Variants in NCOA3 observed in about 807,000 individuals in gnomAD.
NCOA3 encodes nuclear receptor coactivator 3.
Under a neutral mutation model 158.8 loss-of-function variants are expected in NCOA3, and 51 were observed. That is an observed-to-expected ratio of 0.32 (90% CI 0.26 to 0.41). The LOEUF (loss-of-function observed/expected upper bound fraction) is 0.41, where lower values mean the gene tolerates loss of function less well. NCOA3 is among the 10% of genes least tolerant of loss of function. The pLI, the probability that NCOA3 is intolerant of heterozygous loss-of-function variation, is 1.00. For missense variants in NCOA3, 1,510 were observed against 1,746.6 expected, an observed-to-expected ratio of 0.86 and a Z score of 2.41; for synonymous variants, 537 against 592.4, an observed-to-expected ratio of 0.91 and a Z score of 1.36.
intron 2 of NCOA3, among the ~76,000 whole-genome samples, chr20:47,621,737 G>A (rs933225257): frequency 1.4e-5 from 2 of 145,144 alleles, no homozygotes; most frequent in Non-Finnish European, 3.0e-5. Context: ...TCACTGCAAC[G>A]TCTACCCCTC....
At chr20:47,503,614 C>A (rs1486928347) in intron 1 of NCOA3, among the ~76,000 whole-genome samples, 1 of 152,114 alleles carries the variant, frequency 6.6e-6, no homozygotes, top group Non-Finnish European at 1.5e-5. Flanking sequence ...TGTGGGAATA[C>A]TGTTTTTGCT....
chr20:47,588,424 C>T (rs2085572595), intron 2 of NCOA3, among the ~76,000 whole-genome samples: 1 of 152,034 alleles, frequency 6.6e-6, no homozygotes, highest in African/African-American at 2.4e-5. Flanking sequence ...AGTGAGCCAC[C>T]ACGCCCGACC....
At chr20:47,576,590 C>T (rs991771876) in intron 1 of NCOA3, among the ~76,000 whole-genome samples, 2 of 152,042 alleles carry the variant, frequency 1.3e-5, no homozygotes, top group African/African-American at 4.8e-5. Context: ...TTATTGTGTT[C>T]TTTGCCTTCT....
chr20:47,656,123 TAC>T lies in NCOA3; in HGVS notation c.*2707_*2708del, dbSNP rs2086869418. On this transcript the variant is annotated 3_prime_UTR_variant, in exon 23 of 23. Transcript: ENST00000371998. ...TAGAATGTGGGATATTTCCAGTACC[TAC>T]TTTTTTTTTTTTTTTTTGCTGAATC... The T allele has an allele frequency of 7.1e-6, 1 of 140,300 alleles. No individual in the cohort carries two copies. The highest frequency in any genetic ancestry group is 2.7e-5 in the African/African-American group (1 of 37,208). 8.7% of individuals were successfully genotyped at this position (140,300 alleles called of 1,614,324 possible).
intron 1 of NCOA3, among the ~76,000 whole-genome samples, chr20:47,514,664 G>A (rs1433800688): frequency 6.6e-6 from 1 of 151,200 alleles, no homozygotes; most frequent in Non-Finnish European, 1.5e-5. Flanking sequence ...AAAGTGCTGG[G>A]ATCACAGGTG....
rs1243247301 is a variant in NCOA3, at chr20:47,622,230, T to C, written c.-18T>C. The stretch of plus-strand genomic sequence containing the variant: ...TTATTTCTCATTATTCTCTCTTAGT[T>C]GCTGATGTATATTCAAGATGAGTGG... On this transcript the variant is annotated splice_region_variant and 5_prime_UTR_variant, in exon 3 of 23. Transcript: ENST00000371998. The C allele has an allele frequency of 6.0e-6, 9 of 1,510,478 alleles. No homozygotes were observed. The highest frequency in any genetic ancestry group is 7.3e-6 in the Non-Finnish European group (8 of 1,093,206). 93.6% of individuals were successfully genotyped at this position (1,510,478 alleles called of 1,614,324 possible).
At chr20:47,511,805 A>C (rs2084146501) in intron 1 of NCOA3, among the ~76,000 whole-genome samples, 1 of 151,746 alleles carries the variant, frequency 6.6e-6, no homozygotes, top group African/African-American at 2.4e-5. Flanking sequence ...GCCCGTCTCC[A>C]AAATAAAATA....
At position 47,653,601 on chromosome 20, in the gene NCOA3, TAC is replaced by T; in HGVS notation, c.*185_*186del. ...GGATTTTAAGCCGAAGGGCAATATC[TAC>T]GTGTTTTTCCCCCCTCCTTCTGCTG... On this transcript the variant is annotated 3_prime_UTR_variant, in exon 23 of 23. Transcript: ENST00000371998. 2.8e-6 allele frequency: 2 copies of T among 708,646 alleles called. No homozygotes were observed. The highest frequency in any genetic ancestry group is 4.8e-6 in the Non-Finnish European group (2 of 417,148). 43.9% of individuals were successfully genotyped at this position (708,646 alleles called of 1,614,324 possible). A position where few individuals can be genotyped will look rare whatever the true frequency, so the allele number is the denominator to read the frequency against.
chr20:47,592,749 G>A (rs1370049197), intron 2 of NCOA3, among the ~76,000 whole-genome samples: 9 of 152,190 alleles, frequency 5.9e-5, no homozygotes, highest in African/African-American at 2.2e-4. Flanking sequence ...GGTAGCGGAT[G>A]CTACTTAATT....
At chr20:47,637,993 TCTAA>T (rs1418731563) in intron 13 of NCOA3, among the ~76,000 whole-genome samples, 1 of 152,212 alleles carries the variant, frequency 6.6e-6, no homozygotes, top group Non-Finnish European at 1.5e-5. Context: ...ATTTCCCACT[TCTAA>T]CTAATATGCC....
At chr20:47,515,472 C>CTTTTTTTTTTTTTTTT (rs111350575) in intron 1 of NCOA3, among the ~76,000 whole-genome samples, 4 of 130,046 alleles carry the variant, frequency 3.1e-5, no homozygotes, top group Admixed American at 7.9e-5. Flanking sequence ...TTCTTTCTTT[C>CTTTTTTTTTTTTTTTT]TTTTTTTTTT....
intron 2 of NCOA3, among the ~76,000 whole-genome samples, chr20:47,583,576 C>T (rs1446587340): frequency 6.6e-6 from 1 of 152,210 alleles, no homozygotes; most frequent in Admixed American, 6.5e-5. Context: ...TTAATATAAA[C>T]AGCTGATTAA....
chr20:47,653,582 T>A lies in NCOA3; in HGVS notation c.*165T>A. 1 of 809,408 alleles carries A rather than the reference T, an allele frequency of 1.2e-6. No individual in the cohort carries two copies. Among genetic ancestry groups the A allele is most frequent in the South Asian group, 1.7e-5 (1 of 60,458 alleles). The allele number at this position is 809,408 out of a possible 1,614,324, so 50.1% of individuals were successfully genotyped here. A position where few individuals can be genotyped will look rare whatever the true frequency, so the allele number is the denominator to read the frequency against. ...ATGTCATTTGAGCAGGACTGGATTT[T>A]AAGCCGAAGGGCAATATCTACGTGT... On this transcript the variant is annotated 3_prime_UTR_variant, in exon 23 of 23. Transcript: ENST00000371998.
intron 1 of NCOA3, among the ~76,000 whole-genome samples, chr20:47,529,175 C>A (rs1049742476): frequency 1.3e-5 from 2 of 151,398 alleles, no homozygotes; most frequent in Admixed American, 6.6e-5. Context: ...CTCTAGTCCC[C>A]CAGGCTGGAG....
chr20:47,581,168 A>C (rs2085446388), intron 1 of NCOA3, among the ~76,000 whole-genome samples: 1 of 152,072 alleles, frequency 6.6e-6, no homozygotes, highest in Admixed American at 6.5e-5. Flanking sequence ...ATATAAAATT[A>C]CCTTCAGGCT....
At chr20:47,574,315 C>T (rs112662886) in intron 1 of NCOA3, among the ~76,000 whole-genome samples, 6 of 151,930 alleles carry the variant, frequency 3.9e-5, no homozygotes, top group African/African-American at 7.3e-5. Context: ...TTACAAGGAA[C>T]GTGTAGATTT....
chr20:47,648,927 T>A (rs1331093632), intron 18 of NCOA3, 78 bp from the exon 19 acceptor site: 4 of 782,690 alleles, frequency 5.1e-6, no homozygotes, highest in Non-Finnish European at 8.8e-6. Flanking sequence ...CCTCATTGGC[T>A]GGTGCTGAGG....
intron 1 of NCOA3, among the ~76,000 whole-genome samples, chr20:47,567,980 A>G (rs1208259601): frequency 6.6e-6 from 1 of 152,212 alleles, no homozygotes; most frequent in Non-Finnish European, 1.5e-5. Flanking sequence ...TTGGGATTAC[A>G]GTCATGAGCC....
At chr20:47,502,979 C>T (rs765700080) in intron 1 of NCOA3, among the ~76,000 whole-genome samples, 1 of 152,092 alleles carries the variant, frequency 6.6e-6, no homozygotes, top group East Asian at 1.9e-4. Flanking sequence ...TTCCCCCTCC[C>T]GAATGCGAAG....
Sources: gnomAD v4.1 joint callset for allele counts (sites outside exome capture counted in the v4.1 genomes callset) on GRCh38, gnomAD v4.1.1 for gene constraint, MANE v1.5 for transcripts, NCBI Gene and HGNC (gene_info 2026-07-23, HGNC 2026-07-21) for gene names.